The following GRIK4 variants were observed in gnomAD, a reference collection of about 807,000 sequenced individuals.
GRIK4 encodes the protein glutamate ionotropic receptor kainate type subunit 4.
GRIK4 carries 40 observed loss-of-function variants against 104.9 expected under a neutral mutation model. That is an observed-to-expected ratio of 0.38 (90% CI 0.30 to 0.50). GRIK4 has a LOEUF of 0.50. Ranked by LOEUF, GRIK4 falls within the 20% of genes least tolerant of loss-of-function variation. The pLI is 0.93. For missense variants in GRIK4, 1,047 were observed against 1,308.1 expected, an observed-to-expected ratio of 0.80 and a Z score of 3.08; for synonymous variants, 485 against 524.9, an observed-to-expected ratio of 0.92 and a Z score of 1.04.
intron 1 of GRIK4, among the ~76,000 whole-genome samples, chr11:120,636,696 C>T (rs1042330372): frequency 1.2e-4 from 19 of 152,188 alleles, no homozygotes; most frequent in Non-Finnish European, 1.6e-4. Flanking sequence ...AAAAATTAGC[C>T]GGGTGTGGTG....
intron 3 of GRIK4, among the ~76,000 whole-genome samples, chr11:120,667,472 A>T (rs929575672): frequency 6.6e-6 from 1 of 152,270 alleles, no homozygotes; most frequent in African/African-American, 2.4e-5. Context: ...GTGCGTGTGC[A>T]TCGCTGGAGC....
In GRIK4 at chr11:120,903,539, G is replaced by T. The variant is rs1022841794; in HGVS notation, c.1273-1751G>T. 6.6e-6 allele frequency among the ~76,000 whole-genome samples: 1 copy of T among 151,974 alleles called. No homozygotes were observed. Among genetic ancestry groups the T allele is most frequent in the African/African-American group, 2.4e-5 (1 of 41,358 alleles). ...CTCCTCTTTTCTCCCCTTTTCCAGG[G>T]ATTTTCCCTTCCTGCCTGTAAATAC... On this transcript the variant is annotated intron_variant, in intron 12 of 20. Coordinates refer to ENST00000527524, the MANE Select transcript of GRIK4 (RefSeq NM_014619.5). The surrounding 1 kb of genome is among the most constrained non-coding windows in gnomAD (Gnocchi z 4.4).
At chr11:120,868,953 A>G (rs1453826361) in intron 9 of GRIK4, 1 of 152,202 alleles carries the variant, frequency 6.6e-6, no homozygotes, top group African/African-American at 2.4e-5. Context: ...CCAGAGCTAA[A>G]TGAGTAAGTA....
At chr11:120,890,849 G>C (rs991466645) in intron 11 of GRIK4, among the ~76,000 whole-genome samples, 1 of 152,192 alleles carries the variant, frequency 6.6e-6, no homozygotes, top group Non-Finnish European at 1.5e-5. Context: ...CAAAACCTGA[G>C]TCTGAAGCCG....
At chr11:120,695,172 G>C (rs748400449) in intron 3 of GRIK4, among the ~76,000 whole-genome samples, 3 of 152,240 alleles carry the variant, frequency 2.0e-5, no homozygotes, top group African/African-American at 7.2e-5. Context: ...AGGAGCATGG[G>C]GGGTGTTCAT....
rs184981563 is a variant in GRIK4, at chr11:120,638,563, C to T, written c.-158-15122C>T. Among the ~76,000 whole-genome samples the T allele has an allele frequency of 4.8e-3, 735 of 151,908 alleles. 1 individual carries two copies. The highest frequency in any genetic ancestry group is 5.9e-3 in the Non-Finnish European group (404 of 67,928). On this transcript the variant is annotated intron_variant, in intron 1 of 20. Coordinates refer to ENST00000527524, the MANE Select transcript of GRIK4 (RefSeq NM_014619.5). Reference sequence around the variant, plus strand: ...CATGATCTCGGCTCACTGCAAGCTCCGCCTCCTGGGTTCACGCCATTCTCC... The same window carrying T: ...CATGATCTCGGCTCACTGCAAGCTCTGCCTCCTGGGTTCACGCCATTCTCC...
At position 120,620,018 on chromosome 11, in the gene GRIK4, G is replaced by A. The variant is rs1408573140; in HGVS notation, c.-158-33667G>A. The A allele has an allele frequency of 2.1e-5, 11 of 525,880 alleles. No homozygotes were observed. In the East Asian group the frequency reaches 2.9e-4, roughly 14 times the overall value. 32.6% of individuals were successfully genotyped at this position (525,880 alleles called of 1,614,324 possible). ...TTTGGGAATCTCGGTGGAGCTGTTA[G>A]CGTAGTGAACCTGTGTGTAAAATAC... On this transcript the variant is annotated intron_variant, in intron 1 of 20. Coordinates refer to ENST00000527524, the MANE Select transcript of GRIK4 (RefSeq NM_014619.5).
intron 1 of GRIK4, among the ~76,000 whole-genome samples, chr11:120,629,421 G>A (rs1574249): frequency 0.56 from 84,941 of 151,970 alleles, 25,368 homozygotes; most frequent in African/African-American, 0.79. Flanking sequence ...CGCATATTCA[G>A]AACACATTAG....
chr11:120,662,246 C>T (rs997444473), intron 3 of GRIK4, among the ~76,000 whole-genome samples: 3 of 152,210 alleles, frequency 2.0e-5, no homozygotes, highest in Non-Finnish European at 2.9e-5. Context: ...GCTTGTTCAG[C>T]TCTGTCAAGA....
chr11:120,866,087 C>A (rs771213835), intron 9 of GRIK4, among the ~76,000 whole-genome samples: 3 of 152,168 alleles, frequency 2.0e-5, no homozygotes, highest in Admixed American at 6.5e-5. Flanking sequence ...GCATCCACCC[C>A]CTTTATCCAA....
intron 3 of GRIK4, among the ~76,000 whole-genome samples, chr11:120,699,083 G>A (rs1163853458): frequency 2.0e-5 from 3 of 152,180 alleles, no homozygotes; most frequent in Admixed American, 1.3e-4. Context: ...TGCATCTCTC[G>A]TGTCATATTT....
intron 1 of GRIK4, among the ~76,000 whole-genome samples, chr11:120,568,935 A>G (rs1021098853): frequency 6.6e-6 from 1 of 152,262 alleles, no homozygotes; most frequent in Non-Finnish European, 1.5e-5. Context: ...AACAAAACAG[A>G]ACCATTTTTC....
At chr11:120,825,215 C>T (rs1038412199) in intron 6 of GRIK4, among the ~76,000 whole-genome samples, 3 of 152,262 alleles carry the variant, frequency 2.0e-5, no homozygotes, top group Middle Eastern at 3.4e-3. Context: ...CATGAACCAC[C>T]GCGCCTGGCC....
chr11:120,971,321 A>T (rs1944471733), intron 19 of GRIK4, among the ~76,000 whole-genome samples: 5 of 152,244 alleles, frequency 3.3e-5, no homozygotes, highest in Admixed American at 3.3e-4. Flanking sequence ...TGCCCAGAAC[A>T]TCACCTGCCA....
chr11:120,910,531 G>A (rs1187131418), intron 13 of GRIK4, among the ~76,000 whole-genome samples: 2 of 152,206 alleles, frequency 1.3e-5, no homozygotes, highest in Admixed American at 1.3e-4. Flanking sequence ...CCCGCAGAAG[G>A]ACTGAGTGGC....
At chr11:120,636,302 G>A (rs1021148135) in intron 1 of GRIK4, among the ~76,000 whole-genome samples, 1 of 152,190 alleles carries the variant, frequency 6.6e-6, no homozygotes, top group Non-Finnish European at 1.5e-5. Context: ...CTACCCCAGG[G>A]GAGCATGAGT....
At chr11:120,621,155 G>A (rs563916832) in intron 1 of GRIK4, among the ~76,000 whole-genome samples, 4 of 152,178 alleles carry the variant, frequency 2.6e-5, no homozygotes, top group Non-Finnish European at 4.4e-5. Context: ...AAAGGAACAC[G>A]TTCATGCTGA....
intron 1 of GRIK4, among the ~76,000 whole-genome samples, chr11:120,617,379 A>T (rs1170909056): frequency 4.0e-5 from 6 of 151,456 alleles, no homozygotes; most frequent in Admixed American, 3.3e-4. Context: ...ATTTTATCTT[A>T]TTTATTTATT....
intron 3 of GRIK4, among the ~76,000 whole-genome samples, chr11:120,684,400 A>G (rs960235918): frequency 2.0e-5 from 3 of 152,254 alleles, no homozygotes; most frequent in Non-Finnish European, 4.4e-5. Context: ...CGGTTGGCCC[A>G]TTCAGTTATT....
Sources: gnomAD v4.1 joint callset for allele counts (sites outside exome capture counted in the v4.1 genomes callset) on GRCh38, gnomAD v4.1.1 for gene constraint, Gnocchi (gnomAD v3.1) non-coding constraint, MANE v1.5 for transcripts, NCBI Gene and HGNC (gene_info 2026-07-23, HGNC 2026-07-21) for gene names.